The following ABCD3 variants were observed in gnomAD, a reference collection of about 807,000 sequenced individuals.
The protein encoded by ABCD3 is ATP binding cassette subfamily D member 3, also known as ATP-binding cassette sub-family D member 3.
A neutral mutation model predicts 105.5 loss-of-function variants in ABCD3; 41 were observed. That is an observed-to-expected ratio of 0.39 (90% CI 0.30 to 0.50). The LOEUF (loss-of-function observed/expected upper bound fraction) is 0.50, where lower values mean the gene tolerates loss of function less well. ABCD3 is among the 20% of genes least tolerant of loss of function. The probability of loss-of-function intolerance (pLI) is 0.84; values close to 1 mark genes in which losing one functional copy is unlikely to be tolerated. For synonymous variants in ABCD3, 258 were observed against 269.0 expected, an observed-to-expected ratio of 0.96 and a Z score of 0.40; for missense variants, 622 against 806.3, an observed-to-expected ratio of 0.77 and a Z score of 2.77.
chr1:94,512,611 G>A (rs1400769266), intron 21 of ABCD3, among the ~76,000 whole-genome samples: 1 of 151,586 alleles, frequency 6.6e-6, no homozygotes, highest in Non-Finnish European at 1.5e-5. Flanking sequence ...TAATTATTTG[G>A]CAATTTTTAA....
the ABCD3 span, among the ~76,000 whole-genome samples, chr1:94,388,295 G>A: frequency 2.4e-4 from 37 of 152,088 alleles, no homozygotes; most frequent in African/African-American, 4.3e-4. Context: ...ATTGCCACCC[G>A]CACAAAGATA....
chr1:94,474,866 T>A (rs952992075), intron 5 of ABCD3, among the ~76,000 whole-genome samples: 1 of 152,076 alleles, frequency 6.6e-6, no homozygotes, highest in Non-Finnish European at 1.5e-5. Context: ...GGGGATATAT[T>A]TGACTTTTTG....
At position 94,464,788 on chromosome 1, in the gene ABCD3, A is replaced by G; in HGVS notation, c.161A>G (p.Lys54Arg). The G allele has an allele frequency of 1.9e-6, 3 of 1,613,310 alleles. No homozygotes were observed. Among genetic ancestry groups the G allele is most frequent in the Non-Finnish European group, 2.5e-6 (3 of 1,179,550 alleles). ...PLQNNEKEGK[K>R]ERAVVDKVFF... is the part of the protein sequence containing the mutation. ...TTTTTAATGCAGAAAGAGGGGAAAAAGGAGCGAGCTGTGGTGGACAAGGTG... is the reference window on the plus strand; with the variant it reads ...TTTTTAATGCAGAAAGAGGGGAAAAGGGAGCGAGCTGTGGTGGACAAGGTG... Residue 54 changes from lysine (K) to arginine (R), a missense_variant, in exon 3 of 23, where the codon AAG (lysine) becomes AGG (arginine). This residue lies in a region of ABCD3 where 89 missense variants were observed against 77.5 expected (regional missense o/e 1.15). Coordinates refer to ENST00000370214, the MANE Select transcript of ABCD3 (RefSeq NM_002858.4).
chr1:94,427,509 A>G (rs1045908629), intron 1 of ABCD3, among the ~76,000 whole-genome samples: 2 of 152,278 alleles, frequency 1.3e-5, no homozygotes, highest in South Asian at 2.1e-4. Flanking sequence ...CTTTTTTCCT[A>G]GGATCAACAT....
chr1:94,397,589 A>C, the ABCD3 span, among the ~76,000 whole-genome samples: 3 of 152,226 alleles, frequency 2.0e-5, no homozygotes, highest in Non-Finnish European at 4.4e-5. Flanking sequence ...TCAAGGACAC[A>C]TGATATCAAC....
intron 21 of ABCD3, among the ~76,000 whole-genome samples, chr1:94,507,104 A>G (rs1387925130): frequency 2.0e-5 from 3 of 152,012 alleles, no homozygotes; most frequent in East Asian, 3.8e-4. Flanking sequence ...CTCATCATCT[A>G]GCATTAGGTA....
chr1:94,446,053 G>A lies in ABCD3; in HGVS notation c.111-12554G>A, dbSNP rs575913667. On this transcript the variant is annotated intron_variant, in intron 1 of 22. Coordinates refer to ENST00000370214, the MANE Select transcript of ABCD3 (RefSeq NM_002858.4). Reference sequence around the variant, plus strand: ...CATGGTCATACTAAAAAAGAATGTAGAAAAAATCAGCGAATCAGGCTGCCA... The same window carrying A: ...CATGGTCATACTAAAAAAGAATGTAAAAAAAATCAGCGAATCAGGCTGCCA... 9.9e-5 allele frequency among the ~76,000 whole-genome samples: 15 copies of A among 152,204 alleles called. No homozygotes were observed. In the South Asian group the frequency reaches 2.5e-3, roughly 25 times the overall value.
At chr1:94,449,738 G>C (rs758207592) in intron 1 of ABCD3, among the ~76,000 whole-genome samples, 1 of 146,494 alleles carries the variant, frequency 6.8e-6, no homozygotes, top group South Asian at 2.2e-4. Flanking sequence ...GGGATGTTTA[G>C]CTTGAATTGC....
the ABCD3 span, among the ~76,000 whole-genome samples, chr1:94,404,207 AC>A: frequency 1.3e-5 from 2 of 152,136 alleles, no homozygotes; most frequent in Non-Finnish European, 2.9e-5. Context: ...CAACATCAAT[AC>A]CTTTGCTCAT....
At chr1:94,499,376 G>T in intron 19 of ABCD3, 119 bp from the exon 20 acceptor site, 1 of 1,171,826 alleles carries the variant, frequency 8.5e-7, no homozygotes, top group African/African-American at 1.5e-5. Context: ...TTTCTGAAAT[G>T]TATCTTTTAA....
Position 94,424,529 on chromosome 1 carries a change from C to T in ABCD3, c.110+5941C>T, listed in dbSNP as rs1659391064. Among the ~76,000 whole-genome samples the T allele has an allele frequency of 3.3e-5, 5 of 152,202 alleles. No homozygotes were observed. The South Asian group carries it at 1.0e-3, about 32-fold the overall frequency. On this transcript the variant is annotated intron_variant, in intron 1 of 22. Coordinates refer to ENST00000370214, the MANE Select transcript of ABCD3 (RefSeq NM_002858.4). The stretch of plus-strand genomic sequence containing the variant: ...CCTTTGCCACCCAGGCTCAAACAGT[C>T]CTCCTACCTCAGCCTCCCAAGTAGC...
chr1:94,395,871 GAGAC>G, the ABCD3 span, among the ~76,000 whole-genome samples: 17 of 151,724 alleles, frequency 1.1e-4, no homozygotes, highest in East Asian at 3.9e-4. Context: ...GACACACAGA[GAGAC>G]AGACAGAAAG....
chr1:94,452,232 A>T (rs543051909), intron 1 of ABCD3, among the ~76,000 whole-genome samples: 215 of 152,322 alleles, frequency 1.4e-3, no homozygotes, highest in Non-Finnish European at 2.5e-3. Context: ...ACTCCATTCC[A>T]GGAAGATAAG....
At chr1:94,457,134 T>C (rs1647612584) in intron 1 of ABCD3, among the ~76,000 whole-genome samples, 1 of 152,166 alleles carries the variant, frequency 6.6e-6, no homozygotes, top group Non-Finnish European at 1.5e-5. Flanking sequence ...CTTATATATT[T>C]TGGATATTAA....
At chr1:94,469,491 GTTTT>G (rs3072753) in intron 4 of ABCD3, among the ~76,000 whole-genome samples, 94 of 137,280 alleles carry the variant, frequency 6.8e-4, no homozygotes, top group East Asian at 1.5e-3. Flanking sequence ...GTGCACATTA[GTTTT>G]TTTTTTTTTT....
chr1:94,417,605 C>A (rs768462156), upstream of ABCD3, among the ~76,000 whole-genome samples: 1 of 152,222 alleles, frequency 6.6e-6, no homozygotes, highest in South Asian at 2.1e-4. Context: ...TGTCCCTTTG[C>A]AAAGAACAGT....
intron 21 of ABCD3, chr1:94,514,899 A>G: frequency 2.1e-6 from 1 of 474,594 alleles, no homozygotes; most frequent in Admixed American, 3.5e-5. Context: ...ATGATAGGAG[A>G]TATGTTTTTT....
rs1172524258 is a variant in ABCD3, at chr1:94,458,637, C to T, written c.141C>T (p.Asn47=). Residue 47 remains asparagine (N), a synonymous_variant, in exon 2 of 23, where the codon AAC becomes AAT. Transcript: ENST00000370214. ...GKKSGKPPLQ[N]NEKEGKKERA... Reference sequence around the variant, plus strand: ...AAAGTGGAAAACCACCATTACAGAACAATGAGGTAAAAGTTTAAATCATCT... The same window carrying T: ...AAAGTGGAAAACCACCATTACAGAATAATGAGGTAAAAGTTTAAATCATCT... The T allele has an allele frequency of 2.5e-6, 4 of 1,612,104 alleles. No individual in the cohort carries two copies. Among genetic ancestry groups the T allele is most frequent in the Middle Eastern group, 1.7e-4 (1 of 6,050 alleles).
intron 3 of ABCD3, among the ~76,000 whole-genome samples, chr1:94,466,165 C>G (rs1173818687): frequency 6.6e-6 from 1 of 152,060 alleles, no homozygotes; most frequent in Non-Finnish European, 1.5e-5. Context: ...TTTTTGGCAC[C>G]TATCAGCCTC....
Sources: allele counts gnomAD v4.1 joint callset (sites outside exome capture counted in the v4.1 genomes callset), GRCh38; gene constraint gnomAD v4.1.1; regional missense constraint gnomAD v4.1.1; transcripts MANE v1.5; gene names NCBI Gene and HGNC (gene_info 2026-07-23, HGNC 2026-07-21).